The following SDC2 variants were observed in gnomAD, a reference collection of about 807,000 sequenced individuals.
SDC2 encodes the protein syndecan 2, also known as syndecan-2.
A neutral mutation model predicts 22.2 loss-of-function variants in SDC2; 13 were observed. That is an observed-to-expected ratio of 0.59 (90% CI 0.38 to 0.93). SDC2 has a LOEUF of 0.93. SDC2 is among the 40% of genes least tolerant of loss of function. SDC2 has a pLI of 0.00. For synonymous variants in SDC2, 94 were observed against 92.8 expected, an observed-to-expected ratio of 1.01 and a Z score of -0.07; for missense variants, 235 against 246.8, an observed-to-expected ratio of 0.95 and a Z score of 0.32.
chr8:96,520,923 C>T (rs748205105), intron 1 of SDC2, among the ~76,000 whole-genome samples: 1 of 152,100 alleles, frequency 6.6e-6, no homozygotes, highest in Admixed American at 6.6e-5. Flanking sequence ...TAAAAGAAGG[C>T]GGAGCTCTGG....
chr8:96,510,756 C>G (rs1813314807), intron 1 of SDC2, among the ~76,000 whole-genome samples: 1 of 152,142 alleles, frequency 6.6e-6, no homozygotes, highest in South Asian at 2.1e-4. Context: ...TCTGTAATAT[C>G]TAGAGTAAAA....
At chr8:96,555,025 T>C (rs755724519) in intron 1 of SDC2, among the ~76,000 whole-genome samples, 1 of 151,988 alleles carries the variant, frequency 6.6e-6, no homozygotes, top group Non-Finnish European at 1.5e-5. Context: ...ACGTCAGCGC[T>C]TCCTCCCACC....
chr8:96,494,755 G>C (rs941879908), intron 1 of SDC2, among the ~76,000 whole-genome samples: 4 of 152,142 alleles, frequency 2.6e-5, no homozygotes, highest in African/African-American at 9.7e-5. Context: ...GGAAACTTCG[G>C]GGTCCCTTCC....
At chr8:96,507,326 T>C (rs991791526) in intron 1 of SDC2, among the ~76,000 whole-genome samples, 2 of 152,246 alleles carry the variant, frequency 1.3e-5, no homozygotes, top group Admixed American at 6.5e-5. Flanking sequence ...AATGCACTTA[T>C]TTCTGGCACA....
rs755413425 is a variant in SDC2, at chr8:96,593,555, A to G, written c.136A>G (p.Ile46Val). ...TGAAGAAGCTTCAGGAGTGTATCCTATTGATGACGATGACTACGCTTCTGC... is the reference window on the plus strand; with the variant it reads ...TGAAGAAGCTTCAGGAGTGTATCCTGTTGATGACGATGACTACGCTTCTGC... The part of the protein sequence containing the change: ...SIEEASGVYP[I>V]DDDDYASASG... Residue 46 changes from isoleucine (I) to valine (V), a missense_variant, in exon 2 of 5, where the codon ATT (isoleucine) becomes GTT (valine). Physicochemically the swap from Ile to Val is conservative, Grantham distance 29 (BLOSUM62 3). Transcript: ENST00000302190. 5 of 1,613,802 alleles carry G rather than the reference A, an allele frequency of 3.1e-6. No homozygotes were observed. Among genetic ancestry groups the G allele is most frequent in the Admixed American group, 3.3e-5 (2 of 60,008 alleles).
chr8:96,536,956 G>C (rs945141326), intron 1 of SDC2, among the ~76,000 whole-genome samples: 2 of 152,176 alleles, frequency 1.3e-5, no homozygotes, highest in African/African-American at 4.8e-5. Flanking sequence ...TTTTACATCT[G>C]AATCTTCAGC....
At chr8:96,566,737 A>T (rs562970801) in intron 1 of SDC2, among the ~76,000 whole-genome samples, 3 of 151,700 alleles carry the variant, frequency 2.0e-5, no homozygotes, top group African/African-American at 7.2e-5. Context: ...AGTCATTCTG[A>T]CCTTATAATT....
chr8:96,522,686 A>T (rs931925060), intron 1 of SDC2, among the ~76,000 whole-genome samples: 2 of 152,250 alleles, frequency 1.3e-5, no homozygotes, highest in Middle Eastern at 3.2e-3. Flanking sequence ...AAAATCACTG[A>T]ACTACTAAGG....
intron 1 of SDC2, among the ~76,000 whole-genome samples, chr8:96,494,909 G>A (rs1483441319): frequency 1.3e-5 from 2 of 152,216 alleles, no homozygotes; most frequent in Admixed American, 1.3e-4. Context: ...CCTGCGGCTA[G>A]GGCGAGGTAA....
In SDC2 at chr8:96,609,563, G is replaced by T; in HGVS notation, c.*15G>T. The stretch of plus-strand genomic sequence containing the variant: ...TTTATGCGTAAAACTCCAACTTAGT[G>T]TCTCTATTTATGAGATCACTGAACT... On this transcript the variant is annotated 3_prime_UTR_variant, in exon 5 of 5. Transcript: ENST00000302190. The T allele has an allele frequency of 2.6e-6, 4 of 1,564,360 alleles. No homozygotes were observed. Among genetic ancestry groups the T allele is most frequent in the East Asian group, 2.3e-5 (1 of 43,278 alleles).
At chr8:96,576,998 G>C (rs543957781) in intron 1 of SDC2, among the ~76,000 whole-genome samples, 1 of 152,328 alleles carries the variant, frequency 6.6e-6, no homozygotes. Flanking sequence ...GTGCTGGCTA[G>C]GTGGATGGAA....
chr8:96,511,522 C>T (rs981380892), intron 1 of SDC2, among the ~76,000 whole-genome samples: 14 of 152,162 alleles, frequency 9.2e-5, no homozygotes, highest in African/African-American at 1.9e-4. Flanking sequence ...GCCCTTAGAA[C>T]GCCCTTAATT....
At chr8:96,532,889 T>C (rs1813689086) in intron 1 of SDC2, among the ~76,000 whole-genome samples, 1 of 152,202 alleles carries the variant, frequency 6.6e-6, no homozygotes, top group Admixed American at 6.5e-5. Flanking sequence ...CCCACATTTT[T>C]CTGAGTTCAT....
At chr8:96,598,479 G>C (rs570466715) in intron 2 of SDC2, among the ~76,000 whole-genome samples, 1 of 152,022 alleles carries the variant, frequency 6.6e-6, no homozygotes, top group Non-Finnish European at 1.5e-5. Flanking sequence ...TCAGCCAGGC[G>C]TGGTGGCGCA....
intron 1 of SDC2, among the ~76,000 whole-genome samples, chr8:96,564,686 G>T (rs1282945589): frequency 1.3e-5 from 2 of 152,122 alleles, no homozygotes; most frequent in East Asian, 3.9e-4. Flanking sequence ...CACACCTGTA[G>T]ACTTCTGATA....
intron 1 of SDC2, among the ~76,000 whole-genome samples, chr8:96,589,307 AAGCAGC>A (rs892536284): frequency 6.6e-6 from 1 of 152,174 alleles, no homozygotes; most frequent in African/African-American, 2.4e-5. Flanking sequence ...TGGGTAGAGG[AAGCAGC>A]AGCAGCAGCT....
chr8:96,599,259 G>T (rs1814935503), intron 2 of SDC2, among the ~76,000 whole-genome samples: 1 of 152,040 alleles, frequency 6.6e-6, no homozygotes, highest in Non-Finnish European at 1.5e-5. Flanking sequence ...AACTTTAAAA[G>T]TGCCAGCTTA....
At chr8:96,499,785 G>A (rs1167837589) in intron 1 of SDC2, among the ~76,000 whole-genome samples, 9 of 148,784 alleles carry the variant, frequency 6.0e-5, no homozygotes, top group Non-Finnish European at 8.9e-5. Flanking sequence ...GCAATGAAAT[G>A]AATGAAATGA....
chr8:96,504,894 G>C (rs55722362), intron 1 of SDC2, among the ~76,000 whole-genome samples: 3,738 of 152,042 alleles, frequency 0.025, 137 homozygotes, highest in African/African-American at 0.085. Context: ...ATAGGGGTGG[G>C]GCCGTTTTAT....
Sources: allele counts gnomAD v4.1 joint callset (sites outside exome capture counted in the v4.1 genomes callset), GRCh38; gene constraint gnomAD v4.1.1; transcripts MANE v1.5; gene names NCBI Gene and HGNC (gene_info 2026-07-23, HGNC 2026-07-21).